Variants in ARHGAP30 observed in about 807,000 individuals in gnomAD.
ARHGAP30 encodes the protein Rho GTPase activating protein 30, also known as rho GTPase-activating protein 30.
A neutral mutation model predicts 72.0 loss-of-function variants in ARHGAP30; 23 were observed. The observed-to-expected ratio is 0.32, with a 90% confidence interval of 0.23 to 0.45. The LOEUF (loss-of-function observed/expected upper bound fraction) is 0.45. Ranked by LOEUF, ARHGAP30 falls within the 20% of genes least tolerant of loss-of-function variation. The pLI, the probability that ARHGAP30 is intolerant of heterozygous loss-of-function variation, is 1.00. For missense variants in ARHGAP30, 1,319 were observed against 1,383.4 expected (o/e 0.95, Z 0.74); for synonymous variants, 576 against 528.2 (o/e 1.09, Z -1.24).
At chr1:161,050,558 C>T (rs1018286901) in intron 10 of ARHGAP30, among the ~76,000 whole-genome samples, 8 of 152,030 alleles carry the variant, frequency 5.3e-5, no homozygotes, top group African/African-American at 1.9e-4. Flanking sequence ...ATCCACCCTC[C>T]TCAGCTTCCC....
Position 161,056,388 on chromosome 1 carries a change from A to C in ARHGAP30, c.345T>G (p.Ala115=), listed in dbSNP as rs1257184887. 3 of 1,613,392 alleles carry C rather than the reference A, an allele frequency of 1.9e-6. No homozygotes were observed. The highest frequency in any genetic ancestry group is 1.3e-5 in the African/African-American group (1 of 74,900). Residue 115 remains alanine (A), a splice_region_variant and synonymous_variant, in exon 3 of 12, where the codon GCT becomes GCG. Coordinates refer to ENST00000368013, the MANE Select transcript of ARHGAP30 (RefSeq NM_001025598.2). ...TCCACCCCTCGGCCTCTCAACTCAC[A>C]GCAAACTTGTCATAGAGCCGGTAAG... The part of the protein sequence containing the change: ...LLTYRLYDKF[A]EAVGVQLEPE...
At position 161,069,083 on chromosome 1, in the gene ARHGAP30, A is replaced by C. The variant is rs1652976325; in HGVS notation, c.97+445T>G. Among the ~76,000 whole-genome samples, 1 of 152,084 alleles carries C rather than the reference A, an allele frequency of 6.6e-6. No individual in the cohort carries two copies. The highest frequency in any genetic ancestry group is 1.5e-5 in the Non-Finnish European group (1 of 68,020). On this transcript the variant is annotated intron_variant, in intron 1 of 11. Coordinates refer to ENST00000368013, the MANE Select transcript of ARHGAP30 (RefSeq NM_001025598.2). This position sits in a 1 kb window ranked among gnomAD's most constrained non-coding sequence, Gnocchi z 4.9. ...CTCCAGCCAGGAAACCACCCGCCTC[A>C]AGGGCCATCTTGAGACCCTTCTGGG...
chr1:161,055,855 A>T (rs867277213), intron 3 of ARHGAP30, among the ~76,000 whole-genome samples: 9 of 45,504 alleles, frequency 2.0e-4, no homozygotes, highest in South Asian at 6.0e-4. Flanking sequence ...ATAAAATAAA[A>T]TAAATAAAAT....
chr1:161,066,922 T>C (rs1016523440), intron 1 of ARHGAP30, among the ~76,000 whole-genome samples: 2 of 152,104 alleles, frequency 1.3e-5, no homozygotes, highest in African/African-American at 4.8e-5. Context: ...CTCTTTTGAC[T>C]CATAAATAGT....
At position 161,052,810 on chromosome 1, in the gene ARHGAP30, A is replaced by G. The variant is rs1313370630; in HGVS notation, c.665-13T>C. 1.2e-6 allele frequency: 2 copies of G among 1,608,976 alleles called. No individual in the cohort carries two copies. Among genetic ancestry groups the G allele is most frequent in the East Asian group, 2.2e-5 (1 of 44,846 alleles). ...TCCACCTCACCACCTGGGAAAAGAA[A>G]AGGAATTGGCCAGCCAGGAACAGAG... On this transcript the variant is annotated splice_polypyrimidine_tract_variant and intron_variant, in intron 6 of 11. Coordinates refer to ENST00000368013, the MANE Select transcript of ARHGAP30 (RefSeq NM_001025598.2).
At chr1:161,062,141 C>T (rs552626956) in intron 1 of ARHGAP30, among the ~76,000 whole-genome samples, 1 of 152,164 alleles carries the variant, frequency 6.6e-6, no homozygotes, top group African/African-American at 2.4e-5. Context: ...CTCCACCAGG[C>T]CACGTAGTTA....
intron 6 of ARHGAP30, 173 bp downstream of exon 6, chr1:161,053,085 G>A: frequency 2.0e-6 from 2 of 1,022,968 alleles, no homozygotes; most frequent in South Asian, 1.7e-5. Flanking sequence ...ACTGACAGCA[G>A]AAGAAGTCTT....
intron 1 of ARHGAP30, among the ~76,000 whole-genome samples, chr1:161,060,752 A>T (rs1571109844): frequency 8.3e-6 from 1 of 121,092 alleles, no homozygotes. Context: ...CCCAGGCTGG[A>T]GTGCAGTGGC....
At chr1:161,055,925 TAAAATAAAATAAATATAAA>T (rs1651841470) in intron 3 of ARHGAP30, among the ~76,000 whole-genome samples, 5 of 24,906 alleles carry the variant, frequency 2.0e-4, no homozygotes, top group African/African-American at 7.3e-4. Flanking sequence ...TAAAATAAAA[TAAAATAAAATAAATATAAA>T]ATAAAATAAA....
Position 161,049,581 on chromosome 1 carries a change from A to G in ARHGAP30, c.1529T>C (p.Phe510Ser). ...GCTGCTTGAGTCCTCTAGGAAGGAG[A>G]AGGAGTCCTGCACCTCCTGGGACAG... ...DSLSQEVQDS[F>S]SFLEDSSSSE... Residue 510 changes from phenylalanine to serine, a missense_variant, in exon 11 of 12, where the codon TTC (phenylalanine) becomes TCC (serine). Physicochemically the swap from Phe to Ser is radical, Grantham distance 155 (BLOSUM62 -2). Transcript: ENST00000368013. 6.2e-7 allele frequency: 1 copy of G among 1,614,056 alleles called. No homozygotes were observed. Among genetic ancestry groups the G allele is most frequent in the Non-Finnish European group, 8.5e-7 (1 of 1,179,998 alleles).
At chr1:161,051,276 T>A in intron 10 of ARHGAP30, 38 bp downstream of exon 10, 1 of 1,531,636 alleles carries the variant, frequency 6.5e-7, no homozygotes, top group Non-Finnish European at 8.8e-7. Context: ...AGAGTTCCAG[T>A]CCCCTTTCCT....
At chr1:161,057,201 C>A (rs907796195) in intron 2 of ARHGAP30, among the ~76,000 whole-genome samples, 1 of 150,836 alleles carries the variant, frequency 6.6e-6, no homozygotes, top group Admixed American at 6.6e-5. Flanking sequence ...GTCGCCCAGA[C>A]TGGCATGCAG....
intron 1 of ARHGAP30, among the ~76,000 whole-genome samples, chr1:161,067,931 C>T (rs1652885346): frequency 6.6e-6 from 1 of 152,170 alleles, no homozygotes; most frequent in South Asian, 2.1e-4. Context: ...GATCAACCCA[C>T]CCTTGGGTTC....
Position 161,052,772 on chromosome 1 carries a change from T to A in ARHGAP30, c.690A>T (p.Arg230=), listed in dbSNP as rs773622796. Residue 230 remains arginine (R), a synonymous_variant, in exon 7 of 12, where the codon CGA becomes CGT. Transcript: ENST00000368013. The stretch of plus-strand genomic sequence containing the variant: ...CTGATGCCCGGGTCCCTGGAAGCGA[T>A]CGCCACCCACTCTCCACCTCACCAC... ...LSGGEVESGW[R]SLPGTRASGS... is the part of the protein sequence containing the mutation. The A allele has an allele frequency of 6.2e-7, 1 of 1,611,488 alleles. No homozygotes were observed.
chr1:161,054,700 A>G lies in ARHGAP30; in HGVS notation c.351T>C (p.Ala117=). 2.5e-6 allele frequency: 4 copies of G among 1,613,982 alleles called. No individual in the cohort carries two copies. Among genetic ancestry groups the G allele is most frequent in the Middle Eastern group, 1.6e-4 (1 of 6,062 alleles). Residue 117 remains alanine, a synonymous_variant, in exon 4 of 12, where the codon GCT becomes GCC. Transcript: ENST00000368013. ...TYRLYDKFAE[A]VGVQLEPERL... ...GCTCAGGTTCCAATTGCACTCCTAC[A>G]GCCTCCTGATTGAGAAGAGTGCAAG... is the stretch of plus-strand genomic sequence containing the variant.
intron 9 of ARHGAP30, 38 bp from the exon 10 acceptor site, chr1:161,051,753 A>G: frequency 1.3e-6 from 2 of 1,545,420 alleles, no homozygotes; most frequent in African/African-American, 1.4e-5. Flanking sequence ...GCAATAGCCT[A>G]AACTCCAAGG....
At chr1:161,062,575 A>G (rs1652388709) in intron 1 of ARHGAP30, among the ~76,000 whole-genome samples, 1 of 151,888 alleles carries the variant, frequency 6.6e-6, no homozygotes, top group African/African-American at 2.4e-5. Context: ...CTAAAAATAT[A>G]AAAATTAGCC....
chr1:161,064,221 T>C (rs1268112131), intron 1 of ARHGAP30, among the ~76,000 whole-genome samples: 5 of 152,192 alleles, frequency 3.3e-5, no homozygotes. Context: ...GATGCCCAGG[T>C]TTAACATTTC....
chr1:161,061,949 G>T (rs768508804), intron 1 of ARHGAP30, among the ~76,000 whole-genome samples: 1 of 152,122 alleles, frequency 6.6e-6, no homozygotes, highest in Non-Finnish European at 1.5e-5. Flanking sequence ...TTAGCCGGGC[G>T]TGGCAGCGCA....
Sources: gnomAD v4.1 joint callset for allele counts (sites outside exome capture counted in the v4.1 genomes callset) on GRCh38, gnomAD v4.1.1 for gene constraint, Gnocchi (gnomAD v3.1) non-coding constraint, MANE v1.5 for transcripts, NCBI Gene and HGNC (gene_info 2026-07-23, HGNC 2026-07-21) for gene names.